The following MDH1 variants were observed in gnomAD, a reference collection of about 807,000 sequenced individuals.
The protein encoded by MDH1 is malate dehydrogenase, cytoplasmic.
Under a neutral mutation model 38.7 loss-of-function variants are expected in MDH1, and 15 were observed. That is an observed-to-expected ratio of 0.39 (90% CI 0.26 to 0.60). The LOEUF (loss-of-function observed/expected upper bound fraction) is 0.60. MDH1 is among the 20% of genes least tolerant of loss of function. The probability of loss-of-function intolerance (pLI) is 0.56; values close to 1 mark genes in which losing one functional copy is unlikely to be tolerated. For missense variants in MDH1, 368 were observed against 405.2 expected (o/e 0.91, Z 0.79); for synonymous variants, 144 against 143.6 (o/e 1.00, Z -0.02).
chr2:63,590,938 CA>C (rs1306714222), intron 1 of MDH1: 1 of 152,104 alleles, frequency 6.6e-6, no homozygotes, highest in African/African-American at 2.4e-5. Flanking sequence ...GGAGTGACAG[CA>C]AAATAAACTG....
chr2:63,606,765 A>T, intron 8 of MDH1, 97 bp from the exon 9 acceptor site: 1 of 816,518 alleles, frequency 1.2e-6, no homozygotes, highest in Non-Finnish European at 1.8e-6. Flanking sequence ...ATCAGACTTT[A>T]AAACGATATA....
At chr2:63,598,810 C>T (rs1022693048) in intron 4 of MDH1, among the ~76,000 whole-genome samples, 1 of 150,718 alleles carries the variant, frequency 6.6e-6, no homozygotes. Context: ...TTCTTCAAAG[C>T]GTCCTTGTTC....
At chr2:63,599,085 G>A (rs1478390677) in intron 4 of MDH1, 85 bp from the exon 5 acceptor site, 16 of 1,418,522 alleles carry the variant, frequency 1.1e-5, no homozygotes, top group Admixed American at 5.9e-5. Context: ...AAGGCTACCT[G>A]TTAGACATTT....
At chr2:63,594,010 C>T (rs1709254338) in intron 1 of MDH1, among the ~76,000 whole-genome samples, 1 of 152,168 alleles carries the variant, frequency 6.6e-6, no homozygotes, top group Admixed American at 6.5e-5. Context: ...TTTTCCTCCT[C>T]CAGACAAAGT....
At chr2:63,591,538 C>CATAT (rs1709201435) in intron 1 of MDH1, among the ~76,000 whole-genome samples, 1 of 152,178 alleles carries the variant, frequency 6.6e-6, no homozygotes, top group Non-Finnish European at 1.5e-5. Flanking sequence ...TTATTCTAAC[C>CATAT]ATATAGGTGA....
In MDH1 at chr2:63,589,090, C is replaced by T. The variant is rs200826827; in HGVS notation, c.3+44C>T. The stretch of plus-strand genomic sequence containing the variant: ...TTCCTGCCCACCTCTGGCCCTCGCG[C>T]CCTTGAGTGGGGTTTCTTGCACTTT... On this transcript the variant is annotated intron_variant, in intron 1 of 8. Coordinates refer to ENST00000233114, the MANE Select transcript of MDH1 (RefSeq NM_005917.4). 10 of 1,614,192 alleles carry T rather than the reference C, an allele frequency of 6.2e-6. No homozygotes were observed. The African/African-American group carries it at 9.3e-5, about 15-fold the overall frequency.
intron 3 of MDH1, among the ~76,000 whole-genome samples, chr2:63,595,904 G>A (rs942618313): frequency 2.6e-5 from 4 of 152,088 alleles, no homozygotes; most frequent in African/African-American, 2.4e-5. Context: ...ATCCTGTAAT[G>A]GAAAACTTTC....
chr2:63,606,718 T>C, intron 8 of MDH1, 144 bp from the exon 9 acceptor site: 1 of 432,306 alleles, frequency 2.3e-6, no homozygotes, highest in Non-Finnish European at 3.8e-6. Context: ...ATTAGAATTA[T>C]CTATTAATTA....
intron 4 of MDH1, 63 bp from the exon 5 acceptor site, chr2:63,599,107 T>G: frequency 6.5e-7 from 1 of 1,529,014 alleles, no homozygotes; most frequent in Non-Finnish European, 8.8e-7. Context: ...CAGTCAAATT[T>G]TAACATAGAT....
At chr2:63,604,984 C>A in intron 6 of MDH1, 112 bp downstream of exon 6, 1 of 1,052,414 alleles carries the variant, frequency 9.5e-7, no homozygotes, top group Non-Finnish European at 1.4e-6. Flanking sequence ...CTGATGACTG[C>A]ATACTTTCGG....
In MDH1 at chr2:63,589,392, A is replaced by G. The variant is rs201758772; in HGVS notation, c.3+346A>G. 3,827 of 1,550,354 alleles carry G rather than the reference A, an allele frequency of 2.5e-3. 1 individual carries two copies. Among genetic ancestry groups the G allele is most frequent in the Non-Finnish European group, 3.0e-3 (3,449 of 1,146,778 alleles). ...TTTGATAAGGACGATAAGGTTTGCG[A>G]TGGGAGGGAAAGGTTGGGTCCTAAC... On this transcript the variant is annotated intron_variant, in intron 1 of 8. Coordinates refer to ENST00000233114, the MANE Select transcript of MDH1 (RefSeq NM_005917.4).
At chr2:63,601,742 G>A (rs1709422589) in intron 5 of MDH1, among the ~76,000 whole-genome samples, 1 of 152,166 alleles carries the variant, frequency 6.6e-6, no homozygotes, top group Admixed American at 6.5e-5. Flanking sequence ...ACTGAGGGTG[G>A]AGAGGCCTAG....
chr2:63,594,152 A>G (rs1360838784), intron 1 of MDH1: 3 of 458,172 alleles, frequency 6.5e-6, no homozygotes, highest in African/African-American at 6.0e-5. Flanking sequence ...CATAATAAGG[A>G]TTTGTGTGGC....
chr2:63,597,156 C>T, intron 3 of MDH1: 1 of 423,038 alleles, frequency 2.4e-6, no homozygotes, highest in Non-Finnish European at 3.2e-6. Context: ...AAGATAAAAG[C>T]TATGGAGTTT....
intron 1 of MDH1, chr2:63,593,376 G>A: frequency 2.9e-6 from 1 of 347,160 alleles, no homozygotes; most frequent in South Asian, 2.4e-5. Flanking sequence ...TTACAGGCAT[G>A]AGCCACCATC....
At chr2:63,600,581 A>G (rs1709399751) in intron 5 of MDH1, among the ~76,000 whole-genome samples, 1 of 152,262 alleles carries the variant, frequency 6.6e-6, no homozygotes, top group Non-Finnish European at 1.5e-5. Flanking sequence ...AGCCCTTAGC[A>G]TGGTGCCTGC....
At position 63,595,456 on chromosome 2, in the gene MDH1, A is replaced by G; in HGVS notation, c.136A>G (p.Met46Val). The G allele has an allele frequency of 6.2e-7, 1 of 1,613,258 alleles. No individual in the cohort carries two copies. The highest frequency in any genetic ancestry group is 8.5e-7 in the Non-Finnish European group (1 of 1,179,204). Residue 46 changes from methionine to valine, a missense_variant, in exon 3 of 9, where the codon ATG (methionine) becomes GTG (valine). Met to Val is a conservative substitution (Grantham distance 21). Coordinates refer to ENST00000233114, the MANE Select transcript of MDH1 (RefSeq NM_005917.4). Reference sequence around the variant, plus strand: ...TCTTGTGCTGTTGGATATCACCCCCATGATGGGTGTCCTGGACGGTGTCCT... The same window carrying G: ...TCTTGTGCTGTTGGATATCACCCCCGTGATGGGTGTCCTGGACGGTGTCCT... Reference protein sequence around the residue: ...IILVLLDITPMMGVLDGVLME... With the variant: ...IILVLLDITPVMGVLDGVLME...
intron 5 of MDH1, among the ~76,000 whole-genome samples, chr2:63,602,747 C>A (rs1341031752): frequency 6.6e-6 from 1 of 152,030 alleles, no homozygotes; most frequent in Non-Finnish European, 1.5e-5. Flanking sequence ...ATAATTTTGT[C>A]ATTTTGAGAA....
At chr2:63,603,079 C>T (rs1489750117) in intron 5 of MDH1, among the ~76,000 whole-genome samples, 1 of 151,828 alleles carries the variant, frequency 6.6e-6, no homozygotes, top group Non-Finnish European at 1.5e-5. Flanking sequence ...CCTGCCTCAG[C>T]CTCCTGAGTA....
Sources: allele counts gnomAD v4.1 joint callset (sites outside exome capture counted in the v4.1 genomes callset), GRCh38; gene constraint gnomAD v4.1.1; transcripts MANE v1.5; gene names NCBI Gene and HGNC (gene_info 2026-07-23, HGNC 2026-07-21).